Variants in RWDD2A observed in about 807,000 individuals in gnomAD.
The protein encoded by RWDD2A is RWD domain containing 2A, also known as RWD domain-containing protein 2A.
A neutral mutation model predicts 23.1 loss-of-function variants in RWDD2A; 15 were observed. The ratio of observed to expected loss-of-function variants is 0.65; its 90% CI spans 0.43 to 1.00. The LOEUF (loss-of-function observed/expected upper bound fraction) is 1.00. Among genes scored for constraint, RWDD2A ranks in the 50% least tolerant of loss-of-function variants. RWDD2A has a pLI of 0.00. For missense variants in RWDD2A, 310 were observed against 341.7 expected (o/e 0.91, Z 0.73); for synonymous variants, 103 against 123.0 (o/e 0.84, Z 1.08).
intron 2 of RWDD2A, among the ~76,000 whole-genome samples, chr6:83,195,194 G>C (rs1212739088): frequency 6.6e-6 from 1 of 152,238 alleles, no homozygotes; most frequent in Admixed American, 6.5e-5. Flanking sequence ...TATTCCCTCA[G>C]AGGAGACTTT....
chr6:83,194,263 T>G lies in RWDD2A; in HGVS notation c.-140-49T>G, dbSNP rs1337433374. On this transcript the variant is annotated intron_variant, in intron 1 of 2. Coordinates refer to ENST00000369724, the MANE Select transcript of RWDD2A (RefSeq NM_033411.5). ...AGAGGATGTTGTGCATACTAGATTT[T>G]GGAGTCAGGAAATAAAGAAGAGTGC... The G allele has an allele frequency of 1.8e-4, 108 of 584,750 alleles. 2 individuals carry two copies. Among genetic ancestry groups the G allele is most frequent in the Non-Finnish European group, 2.6e-4 (87 of 331,526 alleles). 36.2% of individuals were successfully genotyped at this position (584,750 alleles called of 1,614,324 possible).
chr6:83,195,841 C>A lies in RWDD2A; in HGVS notation c.448C>A (p.Pro150Thr), dbSNP rs1357187122. Residue 150 changes from proline (P) to threonine (T), a missense_variant, in exon 3 of 3, where the codon CCA (proline) becomes ACA (threonine). Coordinates refer to ENST00000369724, the MANE Select transcript of RWDD2A (RefSeq NM_033411.5). ...ATATGAACCATCTACACAAGCAAAG[C>A]CAGTCAAGAACACATTCCTCCGAAT... is the stretch of plus-strand genomic sequence containing the variant. ...LVYEPSTQAK[P>T]VKNTFLRMWI... 6.2e-7 allele frequency: 1 copy of A among 1,614,074 alleles called. No individual in the cohort carries two copies. Among genetic ancestry groups the A allele is most frequent in the Non-Finnish European group, 8.5e-7 (1 of 1,180,060 alleles).
rs1789688888 is a variant in RWDD2A, at chr6:83,198,761, AG to A, written c.*2490del. 1 of 152,340 alleles carries A rather than the reference AG, an allele frequency of 6.6e-6. No homozygotes were observed. Among genetic ancestry groups the A allele is most frequent in the Admixed American group, 6.5e-5 (1 of 15,308 alleles). The allele number at this position is 152,340 out of a possible 1,614,324, so 9.4% of individuals were successfully genotyped here. On this transcript the variant is annotated 3_prime_UTR_variant, in exon 3 of 3. Transcript: ENST00000369724. Reference sequence around the variant, plus strand: ...GTTTGGCATTTCCTTTGAATGACCCAGCATCTTCCCTTTTGTTGTCGGAAAT... The same window carrying A: ...GTTTGGCATTTCCTTTGAATGACCCACATCTTCCCTTTTGTTGTCGGAAAT...
rs951973954 is a variant in RWDD2A at position 83,194,736 on chromosome 6, T to C, written c.201+84T>C. The C allele has an allele frequency of 4.0e-6, 4 of 1,007,114 alleles. No homozygotes were observed. The African/African-American group carries it at 4.9e-5, about 12-fold the overall frequency. The allele number at this position is 1,007,114 out of a possible 1,614,324, so 62.4% of individuals were successfully genotyped here. ...ACATGAGCTTTCTGTCAAGGAAAGA[T>C]AGAAATATTCCAGGTGCATATTTCC... On this transcript the variant is annotated intron_variant, in intron 2 of 2. Coordinates refer to ENST00000369724, the MANE Select transcript of RWDD2A (RefSeq NM_033411.5).
At chr6:83,194,215 T>G in intron 1 of RWDD2A, 97 bp from the exon 2 acceptor site, 1 of 450,584 alleles carries the variant, frequency 2.2e-6, no homozygotes, top group Non-Finnish European at 3.9e-6. Context: ...GTACGCAGAA[T>G]ATGGGTTTTT....
rs1789677980 is a variant in RWDD2A at position 83,198,483 on chromosome 6, T to C, written c.*2211T>C. ...TACATGTATAATTCAAAACTCAACT[T>C]TGTATGTATAGGAGTCTGCTGGTTG... is the stretch of plus-strand genomic sequence containing the variant. On this transcript the variant is annotated 3_prime_UTR_variant, in exon 3 of 3. Coordinates refer to ENST00000369724, the MANE Select transcript of RWDD2A (RefSeq NM_033411.5). 6.6e-6 allele frequency: 1 copy of C among 152,064 alleles called. No homozygotes were observed. 9.4% of individuals were successfully genotyped at this position (152,064 alleles called of 1,614,324 possible). A position where few individuals can be genotyped will look rare whatever the true frequency, so the allele number is the denominator to read the frequency against.
chr6:83,196,287 G>C lies in RWDD2A; in HGVS notation c.*15G>C. On this transcript the variant is annotated 3_prime_UTR_variant, in exon 3 of 3. Transcript: ENST00000369724. ...CAGACTCATAAAAAGCGATTAAGAG[G>C]CCTATGCCTGTAATTTCACTAAGTC... 1 of 1,508,960 alleles carries C rather than the reference G, an allele frequency of 6.6e-7. No homozygotes were observed. Among genetic ancestry groups the C allele is most frequent in the South Asian group, 1.4e-5 (1 of 71,310 alleles). 93.5% of individuals were successfully genotyped at this position (1,508,960 alleles called of 1,614,324 possible).
At position 83,198,016 on chromosome 6, in the gene RWDD2A, T is replaced by A. The variant is rs771204541; in HGVS notation, c.*1744T>A. On this transcript the variant is annotated 3_prime_UTR_variant, in exon 3 of 3. Coordinates refer to ENST00000369724, the MANE Select transcript of RWDD2A (RefSeq NM_033411.5). ...GCTGGAGCCTGACACTTTGCCTATA[T>A]GCAAAGGGAAGAAATAGGACTTACA... 4 of 152,172 alleles carry A rather than the reference T, an allele frequency of 2.6e-5. No individual in the cohort carries two copies. The highest frequency in any genetic ancestry group is 5.9e-5 in the Non-Finnish European group (4 of 68,042). The allele number at this position is 152,172 out of a possible 1,614,324, so 9.4% of individuals were successfully genotyped here.
Position 83,194,604 on chromosome 6 carries a change from G to A in RWDD2A, c.153G>A (p.Leu51=). The A allele has an allele frequency of 6.2e-7, 1 of 1,614,142 alleles. No individual in the cohort carries two copies. The highest frequency in any genetic ancestry group is 8.5e-7 in the Non-Finnish European group (1 of 1,180,016). Residue 51 remains leucine (L), a synonymous_variant, in exon 2 of 3, where the codon CTG becomes CTA. Coordinates refer to ENST00000369724, the MANE Select transcript of RWDD2A (RefSeq NM_033411.5). ...ATTTGGAAGGCACAAGGGAGGCGCT[G>A]CCACCAAAAATCGAATTTGTAATTA... ...KRYLEGTREA[L]PPKIEFVITL... is the part of the protein sequence containing the mutation.
Position 83,196,088 on chromosome 6 carries a change from AT to A in RWDD2A, c.696del (p.Asn232LysfsTer24). ...KHAESVETEG[N>X]GEDLRLFHSF... The stretch of plus-strand genomic sequence containing the variant: ...GCTGAAAGCGTGGAGACAGAAGGAA[AT>A]GGTGAGGACCTGCGCCTTTTCCATT... On this transcript the variant is annotated frameshift_variant, in exon 3 of 3. Transcript: ENST00000369724. LOFTEE classifies it high-confidence loss of function. 6.2e-7 allele frequency: 1 copy of A among 1,613,784 alleles called. No homozygotes were observed. Among genetic ancestry groups the A allele is most frequent in the Non-Finnish European group, 8.5e-7 (1 of 1,179,818 alleles).
At chr6:83,193,685 C>A (rs1036422992) in intron 1 of RWDD2A, 10 of 152,508 alleles carry the variant, frequency 6.6e-5, no homozygotes, top group African/African-American at 2.2e-4. Flanking sequence ...CGGCCCGCAT[C>A]CCCCTCTCCG....
At chr6:83,195,170 C>A (rs1421764959) in intron 2 of RWDD2A, among the ~76,000 whole-genome samples, 1 of 152,254 alleles carries the variant, frequency 6.6e-6, no homozygotes, top group African/African-American at 2.4e-5. Flanking sequence ...ATTTCCTACT[C>A]ATCCTTCAGT....
chr6:83,194,528 AAGG>A lies in RWDD2A; in HGVS notation c.80_82del (p.Gly27del). On this transcript the variant is annotated inframe_deletion, in exon 2 of 3. Coordinates refer to ENST00000369724, the MANE Select transcript of RWDD2A (RefSeq NM_033411.5). Reference sequence around the variant, plus strand: ...ATGCTGTTTTCTATGTTTCCTAACCAAGGAGAAGTAAAACTTGAAGATGTAAAT... The same window carrying A: ...ATGCTGTTTTCTATGTTTCCTAACCAAGAAGTAAAACTTGAAGATGTAAAT... 1 of 1,614,096 alleles carries A rather than the reference AAGG, an allele frequency of 6.2e-7. No individual in the cohort carries two copies. Among genetic ancestry groups the A allele is most frequent in the Non-Finnish European group, 8.5e-7 (1 of 1,179,984 alleles).
chr6:83,193,917 G>A (rs569618547), intron 1 of RWDD2A: 5 of 153,618 alleles, frequency 3.3e-5, no homozygotes, highest in East Asian at 1.9e-4. Context: ...GCGGTGTTGG[G>A]GGGGGGCGGT....
intron 2 of RWDD2A, among the ~76,000 whole-genome samples, chr6:83,195,213 C>T (rs2128518740): frequency 6.6e-6 from 1 of 152,338 alleles, no homozygotes; most frequent in South Asian, 2.1e-4. Flanking sequence ...TTCTGGTTCT[C>T]CAGACTGGAT....
rs766839639 is a variant in RWDD2A, at chr6:83,196,368, A to G, written c.*96A>G. 1.0e-6 allele frequency: 1 copy of G among 992,336 alleles called. No homozygotes were observed. The highest frequency in any genetic ancestry group is 1.4e-6 in the Non-Finnish European group (1 of 708,034). The allele number at this position is 992,336 out of a possible 1,614,324, so 61.5% of individuals were successfully genotyped here. ...AGGCTAGTGGCTGTGTAGCATCCTCAGTGCAAAACCCAGCTCCAGAATTTT... is the reference window on the plus strand; with the variant it reads ...AGGCTAGTGGCTGTGTAGCATCCTCGGTGCAAAACCCAGCTCCAGAATTTT... On this transcript the variant is annotated 3_prime_UTR_variant, in exon 3 of 3. Coordinates refer to ENST00000369724, the MANE Select transcript of RWDD2A (RefSeq NM_033411.5).
At chr6:83,194,203 G>C in intron 1 of RWDD2A, 109 bp from the exon 2 acceptor site, 2 of 405,696 alleles carry the variant, frequency 4.9e-6, no homozygotes, top group East Asian at 8.1e-5. Context: ...CCCGGAGCCC[G>C]GGTACGCAGA....
At chr6:83,194,774 T>TA in intron 2 of RWDD2A, 122 bp downstream of exon 2, 1 of 714,820 alleles carries the variant, frequency 1.4e-6, no homozygotes, top group Non-Finnish European at 2.3e-6. Flanking sequence ...GTTTGAAAGA[T>TA]ACGGAATGCT....
At position 83,193,363 on chromosome 6, in the gene RWDD2A, C is replaced by G. The variant is rs1014633289; in HGVS notation, c.-221C>G. On this transcript the variant is annotated 5_prime_UTR_variant, in exon 1 of 3. Coordinates refer to ENST00000369724, the MANE Select transcript of RWDD2A (RefSeq NM_033411.5). ...GCCCCGCCCCCGCCTCGCCGCAGGT[C>G]GCGCGCAGCTGGCGCCTGAGGAACT... 2.0e-5 allele frequency: 3 copies of G among 152,184 alleles called. No homozygotes were observed. The highest frequency in any genetic ancestry group is 4.4e-5 in the Non-Finnish European group (3 of 68,076). The allele number at this position is 152,184 out of a possible 1,614,324, so 9.4% of individuals were successfully genotyped here.
Sources: gnomAD v4.1 joint callset for allele counts (sites outside exome capture counted in the v4.1 genomes callset) on GRCh38, gnomAD v4.1.1 for gene constraint, MANE v1.5 for transcripts, NCBI Gene and HGNC (gene_info 2026-07-23, HGNC 2026-07-21) for gene names.